SDK1: variants seen among roughly 807,000 people sequenced by gnomAD.
SDK1 encodes protein sidekick-1.
SDK1 carries 157 observed loss-of-function variants against 245.5 expected under a neutral mutation model. That is an observed-to-expected ratio of 0.64 (90% CI 0.56 to 0.73). The LOEUF (loss-of-function observed/expected upper bound fraction) is 0.73. Among genes scored for constraint, SDK1 ranks in the 30% least tolerant of loss-of-function variants. The pLI, the probability that SDK1 is intolerant of heterozygous loss-of-function variation, is 0.00. For synonymous variants in SDK1, 1,647 were observed against 1,278.5 expected, an observed-to-expected ratio of 1.29 and a Z score of -6.15; for missense variants, 3,583 against 3,002.3, an observed-to-expected ratio of 1.19 and a Z score of -4.52.
At chr7:3,652,561 A>G (rs532122889) in intron 4 of SDK1, among the ~76,000 whole-genome samples, 100 of 152,300 alleles carry the variant, frequency 6.6e-4, no homozygotes, top group Middle Eastern at 6.8e-3. Flanking sequence ...TATTTTCTCT[A>G]TGAATATGGG....
At chr7:3,712,463 T>C (rs1488919342) in intron 4 of SDK1, among the ~76,000 whole-genome samples, 2 of 152,168 alleles carry the variant, frequency 1.3e-5, no homozygotes, top group Non-Finnish European at 2.9e-5. Flanking sequence ...TACAGTGTAA[T>C]AATAATAGAA....
chr7:3,735,479 G>A (rs1779293494), intron 4 of SDK1, among the ~76,000 whole-genome samples: 1 of 152,216 alleles, frequency 6.6e-6, no homozygotes, highest in Non-Finnish European at 1.5e-5. Flanking sequence ...GTTCACACAT[G>A]TGGTAGCGTG....
chr7:3,631,420 G>C (rs1280799675), intron 2 of SDK1, among the ~76,000 whole-genome samples: 2 of 152,180 alleles, frequency 1.3e-5, no homozygotes, highest in Non-Finnish European at 2.9e-5. Flanking sequence ...TGTCCATCTT[G>C]ATGTTCAGCT....
intron 1 of SDK1, among the ~76,000 whole-genome samples, chr7:3,322,326 T>C (rs944303061): frequency 2.6e-5 from 4 of 152,240 alleles, no homozygotes; most frequent in African/African-American, 9.6e-5. Context: ...CATATCTTTT[T>C]ATGACTGAAT....
Position 4,237,700 on chromosome 7 carries a change from C to G in SDK1, c.6046C>G (p.Leu2016Val). 3 of 1,614,148 alleles carry G rather than the reference C, an allele frequency of 1.9e-6. No homozygotes were observed. The highest frequency in any genetic ancestry group is 2.5e-6 in the Non-Finnish European group (3 of 1,180,012). The part of the protein sequence containing the change: ...EEWWFLLVMA[L>V]SSLIVILLVV... Reference sequence around the variant, plus strand: ...GTGGTGGTTCCTCCTGGTGATGGCTCTGTCCAGCCTGATCGTCATCCTGCT... The same window carrying G: ...GTGGTGGTTCCTCCTGGTGATGGCTGTGTCCAGCCTGATCGTCATCCTGCT... The change falls in exon 42 of 45, where the codon CTG (leucine) becomes GTG (valine). Residue 2016 changes from leucine (L) to valine (V), a missense_variant. Leu to Val is a conservative substitution (Grantham distance 32, BLOSUM62 1). Coordinates refer to ENST00000404826, the MANE Select transcript of SDK1 (RefSeq NM_152744.4).
At chr7:4,109,327 C>G (rs1046373952) in intron 22 of SDK1, among the ~76,000 whole-genome samples, 4 of 152,244 alleles carry the variant, frequency 2.6e-5, no homozygotes, top group Admixed American at 2.6e-4. Context: ...AGCATGCCTG[C>G]TTACACAGTC....
intron 32 of SDK1, among the ~76,000 whole-genome samples, chr7:4,173,605 G>C (rs570361592): frequency 6.6e-6 from 1 of 152,230 alleles, no homozygotes; most frequent in Non-Finnish European, 1.5e-5. Context: ...TGCAGGGTGA[G>C]AGCTGGATGG....
intron 23 of SDK1, among the ~76,000 whole-genome samples, chr7:4,111,394 A>C (rs1465275558): frequency 6.6e-6 from 1 of 152,216 alleles, no homozygotes; most frequent in African/African-American, 2.4e-5. Context: ...TGATAATGTC[A>C]TTGTTCTGCC....
At chr7:3,946,417 T>A (rs1258761158) in intron 5 of SDK1, among the ~76,000 whole-genome samples, 2 of 152,146 alleles carry the variant, frequency 1.3e-5, no homozygotes, top group Admixed American at 1.3e-4. Context: ...TGAATTGAAG[T>A]GATCCTCCCA....
intron 5 of SDK1, among the ~76,000 whole-genome samples, chr7:3,833,821 T>G (rs1463244912): frequency 6.6e-6 from 1 of 152,194 alleles, no homozygotes; most frequent in Non-Finnish European, 1.5e-5. Flanking sequence ...TGACAGCATG[T>G]TCTTGATGAA....
At chr7:3,355,764 G>C (rs746390647) in intron 1 of SDK1, among the ~76,000 whole-genome samples, 21 of 152,028 alleles carry the variant, frequency 1.4e-4, no homozygotes, top group Non-Finnish European at 2.5e-4. Context: ...TCATCTATTA[G>C]TCCCAAATTC....
At chr7:3,597,998 T>C (rs1781122596) in intron 1 of SDK1, among the ~76,000 whole-genome samples, 1 of 152,240 alleles carries the variant, frequency 6.6e-6, no homozygotes, top group African/African-American at 2.4e-5. Flanking sequence ...TTTAATTTTA[T>C]GATAAATTGT....
At chr7:4,067,775 A>C in intron 19 of SDK1, 63 bp from the exon 20 acceptor site, 1 of 1,238,530 alleles carries the variant, frequency 8.1e-7, no homozygotes, top group Non-Finnish European at 1.2e-6. Context: ...CCTTCCCCAC[A>C]CATCTGATCA....
At chr7:4,221,405 G>T (rs761758644) in intron 40 of SDK1, 41 bp downstream of exon 40, 2 of 1,565,778 alleles carry the variant, frequency 1.3e-6, no homozygotes, top group South Asian at 1.2e-5. Context: ...CAGCCCAGCG[G>T]ACGGCAGTGC....
chr7:3,572,004 T>G (rs1258560356), intron 1 of SDK1, among the ~76,000 whole-genome samples: 1 of 152,052 alleles, frequency 6.6e-6, no homozygotes, highest in East Asian at 1.9e-4. Context: ...ATCCACTTAT[T>G]GAACATGTAC....
chr7:3,889,417 CT>C (rs1286387070), intron 5 of SDK1, among the ~76,000 whole-genome samples: 1 of 152,214 alleles, frequency 6.6e-6, no homozygotes, highest in African/African-American at 2.4e-5. Flanking sequence ...GGTCGAGTTC[CT>C]TCATGGCAGC....
chr7:3,666,264 G>A (rs1972766), intron 4 of SDK1, among the ~76,000 whole-genome samples: 112,078 of 151,984 alleles, frequency 0.74, 42,408 homozygotes, highest in African/African-American at 0.93. Context: ...CTTGTCTGTC[G>A]GGCTTGTTTC....
intron 1 of SDK1, among the ~76,000 whole-genome samples, chr7:3,526,503 A>G (rs993061060): frequency 6.6e-6 from 1 of 152,168 alleles, no homozygotes; most frequent in East Asian, 1.9e-4. Flanking sequence ...TAATCTGAGT[A>G]TATATCTTAT....
intron 1 of SDK1, among the ~76,000 whole-genome samples, chr7:3,332,551 G>C (rs1279849288): frequency 1.3e-5 from 2 of 151,906 alleles, no homozygotes; most frequent in African/African-American, 4.8e-5. Context: ...TTATCTATTT[G>C]GAAAAACAAC....
Sources: allele counts gnomAD v4.1 joint callset (sites outside exome capture counted in the v4.1 genomes callset), GRCh38; gene constraint gnomAD v4.1.1; transcripts MANE v1.5; gene names NCBI Gene and HGNC (gene_info 2026-07-23, HGNC 2026-07-21).